ARHGEF12: variants seen among roughly 807,000 people sequenced by gnomAD.
ARHGEF12 encodes the protein Rho guanine nucleotide exchange factor 12.
A neutral mutation model predicts 211.2 loss-of-function variants in ARHGEF12; 66 were observed. The ratio of observed to expected loss-of-function variants is 0.31; its 90% CI spans 0.26 to 0.38. The LOEUF is 0.38. ARHGEF12 is among the 10% of genes least tolerant of loss of function. ARHGEF12 has a pLI of 1.00. For missense variants in ARHGEF12, 1,429 were observed against 1,869.5 expected, an observed-to-expected ratio of 0.76 and a Z score of 4.34; for synonymous variants, 592 against 638.4, an observed-to-expected ratio of 0.93 and a Z score of 1.09.
At chr11:120,477,866 A>AG (rs1947098453) in intron 36 of ARHGEF12, among the ~76,000 whole-genome samples, 1 of 150,296 alleles carries the variant, frequency 6.7e-6, no homozygotes, top group African/African-American at 2.5e-5. Flanking sequence ...AAACACCAAA[A>AG]AAAAAAAAGA....
chr11:120,431,387 T>G (rs1945527693), intron 10 of ARHGEF12, among the ~76,000 whole-genome samples: 1 of 152,170 alleles, frequency 6.6e-6, no homozygotes, highest in Non-Finnish European at 1.5e-5. Flanking sequence ...TGATTGACAC[T>G]CTGAAGCATT....
chr11:120,428,250 AAG>A lies in ARHGEF12; in HGVS notation c.585+5_585+6del. 6.4e-7 allele frequency: 1 copy of A among 1,556,322 alleles called. No individual in the cohort carries two copies. Among genetic ancestry groups the A allele is most frequent in the Non-Finnish European group, 8.7e-7 (1 of 1,150,228 alleles). On this transcript the variant is annotated splice_donor_5th_base_variant and intron_variant, in intron 8 of 40. Coordinates refer to ENST00000397843, the MANE Select transcript of ARHGEF12 (RefSeq NM_015313.3). ...TCACTAGTCCTGTGCTCATGGGGGT[AAG>A]AATGGGGAAATTTCTTAGTTAAATG...
chr11:120,457,382 TG>T, intron 23 of ARHGEF12, 132 bp downstream of exon 23: 1 of 1,100,770 alleles, frequency 9.1e-7, no homozygotes, highest in Non-Finnish European at 1.2e-6. Flanking sequence ...GCCAGCTACT[TG>T]GGAGGCTGAG....
chr11:120,451,651 G>A lies in ARHGEF12; in HGVS notation c.1983G>A (p.Leu661=), dbSNP rs888949300. 1.2e-6 allele frequency: 2 copies of A among 1,613,964 alleles called. No individual in the cohort carries two copies. The highest frequency in any genetic ancestry group is 3.3e-5 in the Admixed American group (2 of 59,990). The part of the protein sequence containing the change: ...LANEGTDAGY[L]PANSMSSVAS... ...ATGAAGGAACAGACGCTGGATACCT[G>A]CCTGCCAATTCCATGTCTTCTGTAG... Residue 661 remains leucine (L), a synonymous_variant, in exon 22 of 41, where the codon CTG becomes CTA. Transcript: ENST00000397843.
chr11:120,467,542 A>G (rs1251965250), intron 29 of ARHGEF12, among the ~76,000 whole-genome samples: 1 of 147,798 alleles, frequency 6.8e-6, no homozygotes, highest in African/African-American at 2.5e-5. Flanking sequence ...TCCTCGGCTC[A>G]GGCATTCCTT....
chr11:120,461,251 ACTTGAAAGTGAAAATTACTC>A (rs1421216897), intron 27 of ARHGEF12, among the ~76,000 whole-genome samples: 1 of 152,186 alleles, frequency 6.6e-6, no homozygotes, highest in East Asian at 1.9e-4. Context: ...AAATAATAAG[ACTTGAAAGTGAAAATTACTC>A]CTTGGTCCAT....
intron 22 of ARHGEF12, among the ~76,000 whole-genome samples, chr11:120,455,883 A>G (rs1270340069): frequency 2.0e-5 from 3 of 152,248 alleles, no homozygotes; most frequent in Non-Finnish European, 4.4e-5. Flanking sequence ...AGAATTGTTC[A>G]GGAAAATAAG....
chr11:120,445,291 A>G, intron 15 of ARHGEF12, 131 bp from the exon 16 acceptor site: 1 of 833,490 alleles, frequency 1.2e-6, no homozygotes, highest in Non-Finnish European at 2.0e-6. Context: ...GTGAATGAAT[A>G]AATGAGCTTG....
At chr11:120,477,135 T>A in intron 34 of ARHGEF12, 84 bp from the exon 35 acceptor site, 1 of 990,772 alleles carries the variant, frequency 1.0e-6, no homozygotes, top group South Asian at 1.5e-5. Flanking sequence ...ATTTGGTTTT[T>A]GTTTAGTTTT....
At chr11:120,448,878 G>C (rs1476129422) in intron 20 of ARHGEF12, 2 of 428,554 alleles carry the variant, frequency 4.7e-6, no homozygotes, top group African/African-American at 2.0e-5. Context: ...ACTACCCTTT[G>C]ATTTTCCAAA....
intron 4 of ARHGEF12, among the ~76,000 whole-genome samples, chr11:120,415,730 G>C (rs1454762323): frequency 6.6e-6 from 1 of 152,198 alleles, no homozygotes; most frequent in Admixed American, 6.5e-5. Flanking sequence ...TTCGTTTTCA[G>C]TTAATTATTA....
chr11:120,432,865 A>G (rs961323512), intron 11 of ARHGEF12, among the ~76,000 whole-genome samples: 9 of 152,190 alleles, frequency 5.9e-5, no homozygotes, highest in Non-Finnish European at 2.9e-5. Context: ...CTTAGGCCCA[A>G]TGACCCAGTT....
rs1942364364 is a variant in ARHGEF12, at chr11:120,336,816, C to T, written c.-428C>T. On this transcript the variant is annotated 5_prime_UTR_variant, in exon 1 of 41. Transcript: ENST00000397843. ...CAGATAGAGAGCCGGGAGGGAGGGCCCCGGCCCTTGCCGCGGCGGGGAGTT... is the reference window on the plus strand; with the variant it reads ...CAGATAGAGAGCCGGGAGGGAGGGCTCCGGCCCTTGCCGCGGCGGGGAGTT... 3.0e-6 allele frequency: 1 copy of T among 331,440 alleles called. No individual in the cohort carries two copies. The highest frequency in any genetic ancestry group is 4.9e-5 in the Admixed American group (1 of 20,618). 20.5% of individuals were successfully genotyped at this position (331,440 alleles called of 1,614,324 possible). A position where few individuals can be genotyped will look rare whatever the true frequency, so the allele number is the denominator to read the frequency against.
chr11:120,449,542 A>G (rs1051008414), intron 21 of ARHGEF12: 9 of 193,564 alleles, frequency 4.6e-5, no homozygotes, highest in African/African-American at 2.1e-4. Context: ...TACTAAAAAT[A>G]CCAACAATTA....
At position 120,459,278 on chromosome 11, in the gene ARHGEF12, C is replaced by A. The variant is rs771854554; in HGVS notation, c.2485C>A (p.Arg829=). Residue 829 remains arginine, a synonymous_variant, in exon 26 of 41, where the codon CGG becomes AGG. Transcript: ENST00000397843. Reference sequence around the variant, plus strand: ...AGGAATTCTGTCACCCTCAGAGCTACGGAAAATTTTTTCAAACTTGGAAGA... The same window carrying A: ...AGGAATTCTGTCACCCTCAGAGCTAAGGAAAATTTTTTCAAACTTGGAAGA... ...REGILSPSEL[R]KIFSNLEDIL... 1 of 1,613,340 alleles carries A rather than the reference C, an allele frequency of 6.2e-7. No homozygotes were observed. The highest frequency in any genetic ancestry group is 1.3e-5 in the African/African-American group (1 of 74,990).
At chr11:120,484,332 G>C (rs1947341098) in intron 39 of ARHGEF12, 106 bp from the exon 40 acceptor site, 16 of 890,136 alleles carry the variant, frequency 1.8e-5, no homozygotes, top group Non-Finnish European at 2.0e-5. Flanking sequence ...AAATTTGGGG[G>C]CTTGTACCTG....
intron 1 of ARHGEF12, among the ~76,000 whole-genome samples, chr11:120,370,583 T>C (rs115218195): frequency 0.012 from 1,894 of 152,290 alleles, 34 homozygotes; most frequent in African/African-American, 0.043. Context: ...ATTTATGATA[T>C]TGTCTTCCTA....
chr11:120,474,915 C>G (rs1946984504), intron 32 of ARHGEF12, among the ~76,000 whole-genome samples: 1 of 152,048 alleles, frequency 6.6e-6, no homozygotes, highest in Admixed American at 6.6e-5. Flanking sequence ...TTCTTTAGAC[C>G]AGTACATCTT....
chr11:120,460,320 A>G (rs1336445507), intron 26 of ARHGEF12, among the ~76,000 whole-genome samples: 1 of 152,214 alleles, frequency 6.6e-6, no homozygotes, highest in African/African-American at 2.4e-5. Flanking sequence ...CACACTTAAC[A>G]CATTTTGAGA....
Sources: allele counts gnomAD v4.1 joint callset (sites outside exome capture counted in the v4.1 genomes callset), GRCh38; gene constraint gnomAD v4.1.1; transcripts MANE v1.5; gene names NCBI Gene and HGNC (gene_info 2026-07-23, HGNC 2026-07-21).